Variants in ZRANB3 observed in about 807,000 individuals in gnomAD.
ZRANB3 encodes the protein zinc finger RANBP2-type containing 3.
Under a neutral mutation model 133.8 loss-of-function variants are expected in ZRANB3, and 125 were observed. The ratio of observed to expected loss-of-function variants is 0.93; its 90% CI spans 0.81 to 1.08. ZRANB3 has a LOEUF of 1.08. Ranked by LOEUF, ZRANB3 falls within the 50% of genes least tolerant of loss-of-function variation. The pLI, the probability that ZRANB3 is intolerant of heterozygous loss-of-function variation, is 0.00. For missense variants in ZRANB3, 1,229 were observed against 1,275.5 expected, an observed-to-expected ratio of 0.96 and a Z score of 0.56; for synonymous variants, 387 against 432.7, an observed-to-expected ratio of 0.89 and a Z score of 1.31.
intron 12 of ZRANB3, 61 bp from the exon 13 acceptor site, chr2:135,230,988 A>G: frequency 7.0e-7 from 1 of 1,430,084 alleles, no homozygotes. Flanking sequence ...CTTCTTACAT[A>G]AAAGAGCTTA....
intron 8 of ZRANB3, among the ~76,000 whole-genome samples, chr2:135,312,286 T>C (rs896295517): frequency 6.6e-6 from 1 of 151,722 alleles, no homozygotes; most frequent in Non-Finnish European, 1.5e-5. Context: ...GTAGCCCAGA[T>C]CTTCTGAGCT....
At chr2:135,333,354 A>C (rs1189677497) in intron 6 of ZRANB3, among the ~76,000 whole-genome samples, 2 of 152,222 alleles carry the variant, frequency 1.3e-5, no homozygotes, top group East Asian at 3.8e-4. Context: ...GTATATGAAA[A>C]AAAGACAAAA....
In ZRANB3 at chr2:135,410,749, G is replaced by C. The variant is rs960658275; in HGVS notation, c.162-19929C>G. On this transcript the variant is annotated intron_variant, in intron 2 of 20. Coordinates refer to ENST00000264159, the MANE Select transcript of ZRANB3 (RefSeq NM_032143.4). The stretch of plus-strand genomic sequence containing the variant: ...AAGGACTAATATCTAGACTCTATAA[G>C]GAACTGGAACGAATCAACAAGGAGA... Among the ~76,000 whole-genome samples the C allele has an allele frequency of 4.7e-5, 7 of 149,058 alleles. No homozygotes were observed. In the Admixed American group the frequency reaches 4.7e-4, roughly 10 times the overall value.
chr2:135,283,696 A>C, intron 8 of ZRANB3, among the ~76,000 whole-genome samples: 1 of 152,154 alleles, frequency 6.6e-6, no homozygotes, highest in East Asian at 1.9e-4. Context: ...CATGACAATA[A>C]GATAATCAAC....
chr2:135,353,375 A>C, intron 4 of ZRANB3, 75 bp downstream of exon 4: 1 of 1,028,460 alleles, frequency 9.7e-7, no homozygotes, highest in Non-Finnish European at 1.3e-6. Context: ...GTGATATTGC[A>C]TTCTAAAACA....
Position 135,298,960 on chromosome 2 carries a change from G to T in ZRANB3, c.966+14529C>A, listed in dbSNP as rs1437369557. Among the ~76,000 whole-genome samples, 7 of 152,144 alleles carry T rather than the reference G, an allele frequency of 4.6e-5. No individual in the cohort carries two copies. The East Asian group carries it at 7.7e-4, about 17-fold the overall frequency. ...TTGGCTGGCCTCCAGCCAGGAGGGG[G>T]TGCTTTCAAGAGAACATCAGCTGCA... is the stretch of plus-strand genomic sequence containing the variant. On this transcript the variant is annotated intron_variant, in intron 8 of 20. Coordinates refer to ENST00000264159, the MANE Select transcript of ZRANB3 (RefSeq NM_032143.4).
At chr2:135,483,632 A>AG (rs1691948670) in intron 2 of ZRANB3, among the ~76,000 whole-genome samples, 1 of 151,604 alleles carries the variant, frequency 6.6e-6, no homozygotes, top group South Asian at 2.1e-4. Context: ...CTCTGATTTT[A>AG]ATATTTCTTG....
chr2:135,312,352 T>C (rs1683038613), intron 8 of ZRANB3, among the ~76,000 whole-genome samples: 1 of 151,978 alleles, frequency 6.6e-6, no homozygotes, highest in African/African-American at 2.4e-5. Flanking sequence ...CACACTACCA[T>C]GTCTGGACCA....
chr2:135,253,592 C>T (rs915372046), intron 12 of ZRANB3, among the ~76,000 whole-genome samples: 1 of 152,166 alleles, frequency 6.6e-6, no homozygotes, highest in East Asian at 1.9e-4. Context: ...TAGCCTGTTA[C>T]TCCTAGACTA....
chr2:135,405,413 A>T (rs908675502), intron 2 of ZRANB3, among the ~76,000 whole-genome samples: 2 of 152,228 alleles, frequency 1.3e-5, no homozygotes, highest in Non-Finnish European at 2.9e-5. Flanking sequence ...CAGATCAACA[A>T]GACAGAAAGT....
chr2:135,266,722 G>T (rs190887412), intron 11 of ZRANB3, among the ~76,000 whole-genome samples: 2 of 151,016 alleles, frequency 1.3e-5, no homozygotes, highest in Non-Finnish European at 2.9e-5. Flanking sequence ...CTGAGATCAC[G>T]CCACCATACT....
intron 1 of ZRANB3, among the ~76,000 whole-genome samples, chr2:135,520,037 A>G (rs1693861245): frequency 6.6e-6 from 1 of 152,056 alleles, no homozygotes; most frequent in South Asian, 2.1e-4. Context: ...CGGACCTATC[A>G]GTAATCACTC....
intron 8 of ZRANB3, among the ~76,000 whole-genome samples, chr2:135,293,890 G>T (rs1681893820): frequency 6.6e-6 from 1 of 150,516 alleles, no homozygotes; most frequent in Non-Finnish European, 1.5e-5. Context: ...TTATATGCTG[G>T]ATTACGTTTA....
intron 2 of ZRANB3, among the ~76,000 whole-genome samples, chr2:135,418,028 T>C (rs1256093736): frequency 6.6e-6 from 1 of 152,158 alleles, no homozygotes. Flanking sequence ...AGTTAATGTG[T>C]GCAGCATAGC....
At chr2:135,492,981 T>G (rs890591922) in intron 2 of ZRANB3, among the ~76,000 whole-genome samples, 1 of 150,402 alleles carries the variant, frequency 6.6e-6, no homozygotes, top group Non-Finnish European at 1.5e-5. Flanking sequence ...CCAAGGTAAT[T>G]TATGGGAATG....
At chr2:135,369,574 C>A (rs555219647) in intron 3 of ZRANB3, among the ~76,000 whole-genome samples, 1 of 128,198 alleles carries the variant, frequency 7.8e-6, no homozygotes, top group Non-Finnish European at 1.5e-5. Context: ...GTCAATCTTA[C>A]ACTTGTTTTT....
Position 135,357,542 on chromosome 2 carries a change from C to T in ZRANB3, c.181-3914G>A, listed in dbSNP as rs547971662. 1.9e-4 allele frequency among the ~76,000 whole-genome samples: 29 copies of T among 152,296 alleles called. No homozygotes were observed. In the South Asian group the frequency reaches 5.2e-3, roughly 27 times the overall value. Reference sequence around the variant, plus strand: ...AACTCCTGACCTCAGGTGATCCACCCGCCTCGGCCTCCCAAAGTGCTTGGA... The same window carrying T: ...AACTCCTGACCTCAGGTGATCCACCTGCCTCGGCCTCCCAAAGTGCTTGGA... On this transcript the variant is annotated intron_variant, in intron 3 of 20. Transcript: ENST00000264159.
At chr2:135,249,072 T>C (rs185467413) in intron 12 of ZRANB3, among the ~76,000 whole-genome samples, 50 of 152,282 alleles carry the variant, frequency 3.3e-4, no homozygotes, top group African/African-American at 1.1e-3. Flanking sequence ...CCAGTCAGAA[T>C]GGCTATTAAA....
chr2:135,200,408 C>A lies in ZRANB3; in HGVS notation c.3174G>T (p.Gln1058His). 1 of 1,607,438 alleles carries A rather than the reference C, an allele frequency of 6.2e-7. No homozygotes were observed. Among genetic ancestry groups the A allele is most frequent in the South Asian group, 1.1e-5 (1 of 89,524 alleles). ...RTARQAKERS[Q>H]VRRQSLASKH... is the part of the protein sequence containing the mutation. ...TTGATGCTAGAGATTGTCTTCTCAC[C>A]TGGCTTCTTTCCTTAGCTTGTCTGG... The change falls in exon 21 of 21, where the codon CAG (glutamine) becomes CAT (histidine). Residue 1058 changes from glutamine (Q) to histidine (H), a missense_variant. Physicochemically the swap from Gln to His is conservative, Grantham distance 24. Coordinates refer to ENST00000264159, the MANE Select transcript of ZRANB3 (RefSeq NM_032143.4).
Sources: gnomAD v4.1 joint callset for allele counts (sites outside exome capture counted in the v4.1 genomes callset) on GRCh38, gnomAD v4.1.1 for gene constraint, MANE v1.5 for transcripts, NCBI Gene and HGNC (gene_info 2026-07-23, HGNC 2026-07-21) for gene names.